C1QTNF3: variants seen among roughly 807,000 people sequenced by gnomAD.
C1QTNF3 encodes C1q and TNF related 3.
C1QTNF3 carries 26 observed loss-of-function variants against 32.6 expected under a neutral mutation model. The observed-to-expected ratio is 0.80, with a 90% CI of 0.58 to 1.11. The LOEUF (loss-of-function observed/expected upper bound fraction) is 1.11. Among genes scored for constraint, C1QTNF3 ranks in the 50% least tolerant of loss-of-function variants. The probability of loss-of-function intolerance (pLI) is 0.00; values close to 1 mark genes in which losing one functional copy is unlikely to be tolerated. For missense variants in C1QTNF3, 362 were observed against 398.2 expected, an observed-to-expected ratio of 0.91 and a Z score of 0.77; for synonymous variants, 155 against 146.0, an observed-to-expected ratio of 1.06 and a Z score of -0.44.
the C1QTNF3 span, among the ~76,000 whole-genome samples, chr5:34,209,433 A>T: frequency 6.7e-6 from 1 of 150,312 alleles, no homozygotes; most frequent in Non-Finnish European, 1.5e-5. Flanking sequence ...GTTAATAAAT[A>T]AAGTAATTAC....
At chr5:34,180,063 A>C in the C1QTNF3 span, among the ~76,000 whole-genome samples, 1 of 152,428 alleles carries the variant, frequency 6.6e-6, no homozygotes, top group South Asian at 2.1e-4. Flanking sequence ...TTTAAAAATT[A>C]GGGCCGGGCA....
At chr5:34,212,707 A>C in the C1QTNF3 span, among the ~76,000 whole-genome samples, 1 of 150,440 alleles carries the variant, frequency 6.6e-6, no homozygotes, top group Non-Finnish European at 1.5e-5. Context: ...ACAATGAGAT[A>C]CCATCTCACA....
the C1QTNF3 span, among the ~76,000 whole-genome samples, chr5:34,169,688 T>G: frequency 6.6e-6 from 1 of 152,128 alleles, no homozygotes; most frequent in African/African-American, 2.4e-5. Context: ...TCCTGTGCTT[T>G]TGATGTCATA....
the C1QTNF3 span, among the ~76,000 whole-genome samples, chr5:34,142,853 C>T: frequency 6.6e-6 from 1 of 152,192 alleles, no homozygotes; most frequent in African/African-American, 2.4e-5. Flanking sequence ...AGCACAAGTA[C>T]TCTGGCAATT....
the C1QTNF3 span, among the ~76,000 whole-genome samples, chr5:34,133,204 T>A: frequency 4.6e-5 from 7 of 152,204 alleles, no homozygotes; most frequent in African/African-American, 1.7e-4. Context: ...ACTGGGGCAA[T>A]AATCTTAGCA....
chr5:34,138,614 T>C, the C1QTNF3 span, among the ~76,000 whole-genome samples: 80,355 of 151,806 alleles, frequency 0.53, 22,602 homozygotes, highest in Non-Finnish European at 0.62. Context: ...AATTTTACTT[T>C]TCCTGTCATG....
chr5:34,139,358 T>G, the C1QTNF3 span, among the ~76,000 whole-genome samples: 1 of 152,092 alleles, frequency 6.6e-6, no homozygotes, highest in African/African-American at 2.4e-5. Context: ...CCAACTTCTT[T>G]AAGTACATTA....
the C1QTNF3 span, among the ~76,000 whole-genome samples, chr5:34,162,034 C>G: frequency 6.6e-6 from 1 of 152,046 alleles, no homozygotes. Context: ...TTACCCTGGA[C>G]TGATTCTCTC....
At chr5:34,223,011 A>T in the C1QTNF3 span, among the ~76,000 whole-genome samples, 25 of 151,940 alleles carry the variant, frequency 1.6e-4, no homozygotes, top group Admixed American at 6.6e-4. Context: ...ACATTTTTTT[A>T]AAAAATGTTA....
Position 34,019,444 on chromosome 5 carries a change from C to G in C1QTNF3, c.*1139G>C, listed in dbSNP as rs952223216. On this transcript the variant is annotated 3_prime_UTR_variant, in exon 6 of 6. Coordinates refer to ENST00000382065, the MANE Select transcript of C1QTNF3 (RefSeq NM_181435.6). ...AAGACTTAAGGTATGTGATAAAAAA[C>G]CTCTTTCCTTACAGGTATTCAGATT... is the stretch of plus-strand genomic sequence containing the variant. The G allele has an allele frequency of 1.1e-4, 16 of 152,208 alleles. No individual in the cohort carries two copies. Among genetic ancestry groups the G allele is most frequent in the Admixed American group, 9.2e-4 (14 of 15,276 alleles). 9.4% of individuals were successfully genotyped at this position (152,208 alleles called of 1,614,324 possible).
chr5:34,143,623 G>T, the C1QTNF3 span, among the ~76,000 whole-genome samples: 1 of 152,108 alleles, frequency 6.6e-6, no homozygotes, highest in Non-Finnish European at 1.5e-5. Context: ...AAGAGATTGG[G>T]CTTAGTTTCA....
intron 1 of C1QTNF3, among the ~76,000 whole-genome samples, chr5:34,039,683 A>C (rs1754820875): frequency 6.6e-6 from 1 of 152,218 alleles, no homozygotes; most frequent in African/African-American, 2.4e-5. Context: ...ATTTTCAGAG[A>C]ATCTTCAGAG....
At chr5:34,213,747 G>GTA in the C1QTNF3 span, among the ~76,000 whole-genome samples, 17 of 100,840 alleles carry the variant, frequency 1.7e-4, no homozygotes, top group East Asian at 9.5e-4. Context: ...TATAGTGTGT[G>GTA]TATATATATA....
chr5:34,117,696 T>C, the C1QTNF3 span, among the ~76,000 whole-genome samples: 1 of 151,898 alleles, frequency 6.6e-6, no homozygotes, highest in East Asian at 1.9e-4. Context: ...CTCAGGAGGC[T>C]AAGGCAGGAG....
Position 34,019,905 on chromosome 5 carries a change from T to C in C1QTNF3, c.*678A>G, listed in dbSNP as rs1270934251. 1 of 152,286 alleles carries C rather than the reference T, an allele frequency of 6.6e-6. No individual in the cohort carries two copies. Among genetic ancestry groups the C allele is most frequent in the Non-Finnish European group, 1.5e-5 (1 of 68,116 alleles). The allele number at this position is 152,286 out of a possible 1,614,324, so 9.4% of individuals were successfully genotyped here. Reference sequence around the variant, plus strand: ...AGATATTTATGACATTTGTTAATAGTGAACCTCAACCTCCTGACCCCACAT... The same window carrying C: ...AGATATTTATGACATTTGTTAATAGCGAACCTCAACCTCCTGACCCCACAT... On this transcript the variant is annotated 3_prime_UTR_variant, in exon 6 of 6. Coordinates refer to ENST00000382065, the MANE Select transcript of C1QTNF3 (RefSeq NM_181435.6).
At chr5:34,160,557 C>T in the C1QTNF3 span, among the ~76,000 whole-genome samples, 2 of 152,150 alleles carry the variant, frequency 1.3e-5, no homozygotes, top group Non-Finnish European at 2.9e-5. Context: ...TATAAGGGGA[C>T]GCAGTGTGGC....
chr5:34,134,408 A>G, the C1QTNF3 span, among the ~76,000 whole-genome samples: 10 of 152,198 alleles, frequency 6.6e-5, no homozygotes, highest in East Asian at 1.9e-3. Context: ...ACACATGTTC[A>G]TAGAGGAGAA....
chr5:34,100,837 A>G, the C1QTNF3 span, among the ~76,000 whole-genome samples: 158 of 151,356 alleles, frequency 1.0e-3, no homozygotes, highest in African/African-American at 3.3e-3. Flanking sequence ...ATTGCATTTT[A>G]TTATTCTAAA....
chr5:34,238,593 A>T, the C1QTNF3 span, among the ~76,000 whole-genome samples: 29 of 152,182 alleles, frequency 1.9e-4, 1 homozygote, highest in African/African-American at 6.7e-4. Flanking sequence ...TTAAAAAAGA[A>T]TTAAAAAAAG....
Sources: allele counts gnomAD v4.1 joint callset (sites outside exome capture counted in the v4.1 genomes callset), GRCh38; gene constraint gnomAD v4.1.1; transcripts MANE v1.5; gene names NCBI Gene and HGNC (gene_info 2026-07-23, HGNC 2026-07-21).